CPVL: variants seen among roughly 807,000 people sequenced by gnomAD.
CPVL encodes carboxypeptidase vitellogenic like.
CPVL carries 51 observed loss-of-function variants against 63.7 expected under a neutral mutation model. The ratio of observed to expected loss-of-function variants is 0.80; its 90% confidence interval spans 0.64 to 1.01. CPVL has a LOEUF of 1.01. Ranked by LOEUF, CPVL falls within the 50% of genes least tolerant of loss-of-function variation. The probability of loss-of-function intolerance (pLI) is 0.00; values close to 1 mark genes in which losing one functional copy is unlikely to be tolerated. For synonymous variants in CPVL, 195 were observed against 206.0 expected (o/e 0.95, Z 0.46); for missense variants, 530 against 573.1 (o/e 0.92, Z 0.77).
In CPVL at chr7:29,173,239, A is replaced by G. The variant is rs181327131; in HGVS notation, c.-11+8051T>C. 1.6e-4 allele frequency among the ~76,000 whole-genome samples: 25 copies of G among 152,250 alleles called. No homozygotes were observed. In the East Asian group the frequency reaches 4.1e-3, roughly 25 times the overall value. ...GGAAATCTTCTAAGGCCAGAAAGCTAAGCAGGAACCCAGAGGAAAAAAAGC... is the reference window on the plus strand; with the variant it reads ...GGAAATCTTCTAAGGCCAGAAAGCTGAGCAGGAACCCAGAGGAAAAAAAGC... On this transcript the variant is annotated intron_variant, in intron 5 of 16. Coordinates refer to the CPVL transcript ENST00000409850.
At chr7:29,053,107 A>G (rs1416648446) in intron 11 of CPVL, among the ~76,000 whole-genome samples, 1 of 152,208 alleles carries the variant, frequency 6.6e-6, no homozygotes, top group Non-Finnish European at 1.5e-5. Context: ...CCAATGAGAT[A>G]GCACTTTAAA....
At chr7:29,096,071 T>C in intron 4 of CPVL, 32 bp downstream of exon 4, 6 of 1,535,646 alleles carry the variant, frequency 3.9e-6, no homozygotes. Flanking sequence ...GATGAAAGAT[T>C]CTATAGGAAA....
intron 5 of CPVL, among the ~76,000 whole-genome samples, chr7:29,155,998 C>G (rs1794320247): frequency 6.6e-6 from 1 of 152,212 alleles, no homozygotes; most frequent in African/African-American, 2.4e-5. Flanking sequence ...AGTGAGAAAA[C>G]TTACTTTTAC....
chr7:29,098,347 C>T (rs974563443), intron 3 of CPVL, among the ~76,000 whole-genome samples: 4 of 152,122 alleles, frequency 2.6e-5, no homozygotes, highest in Non-Finnish European at 4.4e-5. Flanking sequence ...GAGTCCTTCA[C>T]GGCTTTGGAA....
chr7:29,183,084 T>C (rs1287812303), intron 4 of CPVL, among the ~76,000 whole-genome samples: 41 of 50,474 alleles, frequency 8.1e-4, no homozygotes, highest in Non-Finnish European at 4.3e-4. Flanking sequence ...TGGCAGACTT[T>C]TTTTTTTTTT....
At chr7:29,120,413 C>G (rs1789240593) in intron 2 of CPVL, among the ~76,000 whole-genome samples, 1 of 149,778 alleles carries the variant, frequency 6.7e-6, no homozygotes, top group Admixed American at 6.7e-5. Flanking sequence ...CAGAGCAAGA[C>G]TCTGTCTCAA....
chr7:29,112,118 C>A (rs1788294483), intron 3 of CPVL, among the ~76,000 whole-genome samples: 2 of 152,202 alleles, frequency 1.3e-5, no homozygotes, highest in African/African-American at 2.4e-5. Context: ...GCCTTTCCTG[C>A]CAGAAGCCTT....
chr7:29,179,268 A>G (rs1016509694), intron 5 of CPVL, among the ~76,000 whole-genome samples: 4 of 152,214 alleles, frequency 2.6e-5, no homozygotes, highest in African/African-American at 9.6e-5. Flanking sequence ...ATGGGATGCC[A>G]TCCTTAAGAA....
At chr7:29,025,331 A>G (rs1195731652) in intron 12 of CPVL, among the ~76,000 whole-genome samples, 1 of 152,222 alleles carries the variant, frequency 6.6e-6, no homozygotes, top group Non-Finnish European at 1.5e-5. Flanking sequence ...TTATGGCAGA[A>G]GGCAAAGTGG....
chr7:29,152,327 T>C (rs1206100177), intron 5 of CPVL, among the ~76,000 whole-genome samples: 10 of 152,168 alleles, frequency 6.6e-5, no homozygotes. Context: ...TCCCCCTTGA[T>C]TCTGAGACAG....
chr7:29,064,239 C>T lies in CPVL; in HGVS notation c.964-5G>A. Reference sequence around the variant, plus strand: ...GTAAAGCTGATCCTCAGGTTCCTGGCAGAAGGGGCATTGGAAAGACATAGG... The same window carrying T: ...GTAAAGCTGATCCTCAGGTTCCTGGTAGAAGGGGCATTGGAAAGACATAGG... On this transcript the variant is annotated splice_polypyrimidine_tract_variant and splice_region_variant and intron_variant, in intron 10 of 12. Transcript: ENST00000265394. The T allele has an allele frequency of 6.2e-7, 1 of 1,602,776 alleles. No homozygotes were observed. Among genetic ancestry groups the T allele is most frequent in the Non-Finnish European group, 8.5e-7 (1 of 1,170,792 alleles).
chr7:29,068,795 C>T (rs1399469102), intron 9 of CPVL, among the ~76,000 whole-genome samples: 8 of 150,328 alleles, frequency 5.3e-5, no homozygotes, highest in African/African-American at 1.2e-4. Context: ...CCTGGGTTCA[C>T]GCCATTCTCC....
intron 9 of CPVL, among the ~76,000 whole-genome samples, chr7:29,069,024 T>C (rs1327410252): frequency 2.0e-5 from 3 of 151,900 alleles, no homozygotes; most frequent in African/African-American, 7.2e-5. Flanking sequence ...TGGGGCACCA[T>C]AGGCCAGGGT....
chr7:29,154,449 C>A (rs544017795), intron 5 of CPVL, among the ~76,000 whole-genome samples: 119 of 152,262 alleles, frequency 7.8e-4, no homozygotes, highest in African/African-American at 2.8e-3. Context: ...TGAGCTCAAA[C>A]TGGATTCTTT....
rs764898499 is a variant in CPVL, at chr7:29,121,054, C to T, written c.8G>A (p.Gly3Asp). 15 of 1,600,486 alleles carry T rather than the reference C, an allele frequency of 9.4e-6. No individual in the cohort carries two copies. The highest frequency in any genetic ancestry group is 8.0e-5 in the South Asian group (7 of 87,952). Residue 3 changes from glycine (G) to aspartate (D), a missense_variant, in exon 2 of 13, where the codon GGT (glycine) becomes GAT (aspartate). Transcript: ENST00000265394. ...CGAAACAATCACCTTCCACATGGCA[C>T]CAACCATCTCTCAGGGTCTAGGATA... The part of the protein sequence containing the change: MV[G>D]AMWKVIVSLV...
At chr7:29,025,876 AG>A (rs1787441723) in intron 12 of CPVL, among the ~76,000 whole-genome samples, 1 of 152,214 alleles carries the variant, frequency 6.6e-6, no homozygotes, top group Admixed American at 6.5e-5. Context: ...ATCATAGTCG[AG>A]GACTTCAACA....
intron 5 of CPVL, among the ~76,000 whole-genome samples, chr7:29,170,690 T>A (rs1350375605): frequency 6.6e-6 from 1 of 152,180 alleles, no homozygotes; most frequent in Non-Finnish European, 1.5e-5. Context: ...ACTGTATTAG[T>A]CTGTTTTCAC....
chr7:29,109,512 T>C (rs1788044358), intron 3 of CPVL, among the ~76,000 whole-genome samples: 1 of 152,196 alleles, frequency 6.6e-6, no homozygotes. Context: ...TTGTCACACC[T>C]GCTTTATCTC....
intron 7 of CPVL, among the ~76,000 whole-genome samples, chr7:29,083,859 C>T (rs181380815): frequency 9.8e-4 from 149 of 152,220 alleles, no homozygotes; most frequent in African/African-American, 3.6e-3. Flanking sequence ...TCCTGAGGAT[C>T]CCACACTGAG....
Sources: gnomAD v4.1 joint callset for allele counts (sites outside exome capture counted in the v4.1 genomes callset) on GRCh38, gnomAD v4.1.1 for gene constraint, MANE v1.5 for transcripts, NCBI Gene and HGNC (gene_info 2026-07-23, HGNC 2026-07-21) for gene names.